SLC4A4: variants seen among roughly 807,000 people sequenced by gnomAD.
The protein encoded by SLC4A4 is solute carrier family 4 member 4.
SLC4A4 carries 27 observed loss-of-function variants against 111.5 expected under a neutral mutation model. The ratio of observed to expected loss-of-function variants is 0.24; its 90% CI spans 0.18 to 0.33. The LOEUF (loss-of-function observed/expected upper bound fraction) is 0.33, where lower values mean the gene tolerates loss of function less well. SLC4A4 is among the 10% of genes least tolerant of loss of function. The pLI is 1.00. For synonymous variants in SLC4A4, 443 were observed against 463.4 expected, an observed-to-expected ratio of 0.96 and a Z score of 0.57; for missense variants, 909 against 1,315.5, an observed-to-expected ratio of 0.69 and a Z score of 4.78.
chr4:71,288,420 A>G (rs1026209559), intron 3 of SLC4A4, among the ~76,000 whole-genome samples: 6 of 143,302 alleles, frequency 4.2e-5, no homozygotes, highest in South Asian at 2.2e-4. Context: ...TTTTTTTTTT[A>G]CAGAGTTTCA....
rs573818993 is a variant in SLC4A4 at position 71,431,159 on chromosome 4, A to G, written c.808-9457A>G. Among the ~76,000 whole-genome samples the G allele has an allele frequency of 4.6e-5, 7 of 152,292 alleles. No individual in the cohort carries two copies. The South Asian group carries it at 1.4e-3, about 32-fold the overall frequency. On this transcript the variant is annotated intron_variant, in intron 7 of 25. Coordinates refer to ENST00000264485, the MANE Select transcript of SLC4A4 (RefSeq NM_001098484.3). ...ATATTCCTTCTTCCAGGGAGCTTAC[A>G]TTGCAGTGTAATAAAAAGGCAACAT...
At chr4:71,384,534 A>G (rs1718471313) in intron 6 of SLC4A4, among the ~76,000 whole-genome samples, 1 of 151,794 alleles carries the variant, frequency 6.6e-6, no homozygotes, top group African/African-American at 2.4e-5. Context: ...TGTGAGCTGT[A>G]AATCTAGAGC....
chr4:71,473,055 G>A lies in SLC4A4; in HGVS notation c.1903+85G>A, dbSNP rs548144688. 280 of 1,411,464 alleles carry A rather than the reference G, an allele frequency of 2.0e-4. 2 individuals carry two copies. The African/African-American group carries it at 3.6e-3, about 18-fold the overall frequency. The allele number at this position is 1,411,464 out of a possible 1,614,324, so 87.4% of individuals were successfully genotyped here. A position where few individuals can be genotyped will look rare whatever the true frequency, so the allele number is the denominator to read the frequency against. ...CATGCTTGCAAATTTTCAACATGCT[G>A]TCATGGTCCTCAGGAATTAGTCTTG... On this transcript the variant is annotated intron_variant, in intron 14 of 25. Coordinates refer to ENST00000264485, the MANE Select transcript of SLC4A4 (RefSeq NM_001098484.3).
At chr4:71,324,257 TTA>T (rs1424619579) in intron 3 of SLC4A4, among the ~76,000 whole-genome samples, 2 of 151,970 alleles carry the variant, frequency 1.3e-5, no homozygotes. Flanking sequence ...GTCAAAATGT[TTA>T]GTTTCATCAT....
At chr4:71,291,446 AT>A (rs925663152) in intron 3 of SLC4A4, among the ~76,000 whole-genome samples, 63 of 148,098 alleles carry the variant, frequency 4.3e-4, no homozygotes, top group East Asian at 9.8e-4. Context: ...TTCATGCATG[AT>A]TTTTTTTTTT....
At chr4:71,168,737 C>T (rs1026097139) in intron 2 of SLC4A4, among the ~76,000 whole-genome samples, 1 of 152,122 alleles carries the variant, frequency 6.6e-6, no homozygotes. Flanking sequence ...GCTCATTTCA[C>T]TTCACATAAT....
At chr4:71,370,516 T>C (rs1731768309) in intron 6 of SLC4A4, among the ~76,000 whole-genome samples, 1 of 152,220 alleles carries the variant, frequency 6.6e-6, no homozygotes, top group Non-Finnish European at 1.5e-5. Flanking sequence ...GTCTGAATCC[T>C]GGATCTACCA....
chr4:71,201,896 G>A (rs1666791356), intron 1 of SLC4A4, among the ~76,000 whole-genome samples: 1 of 152,162 alleles, frequency 6.6e-6, no homozygotes, highest in South Asian at 2.1e-4. Context: ...GAAGGATTTG[G>A]ACATATGGTG....
intron 2 of SLC4A4, among the ~76,000 whole-genome samples, chr4:71,113,708 G>A (rs1373300163): frequency 2.6e-5 from 4 of 152,162 alleles, no homozygotes; most frequent in Non-Finnish European, 5.9e-5. Context: ...ACCGGGTTAG[G>A]GGTCTAGTGG....
intron 6 of SLC4A4, among the ~76,000 whole-genome samples, chr4:71,357,974 A>T (rs138947270): frequency 1.0e-3 from 154 of 152,270 alleles, no homozygotes; most frequent in African/African-American, 3.6e-3. Flanking sequence ...GCATTGGCTG[A>T]TAGGATTAGG....
chr4:71,473,641 A>G (rs529481130), intron 14 of SLC4A4, among the ~76,000 whole-genome samples: 35 of 151,940 alleles, frequency 2.3e-4, no homozygotes, highest in Middle Eastern at 3.4e-3. Flanking sequence ...GTGATTCTCT[A>G]TATCTTAGCC....
intron 13 of SLC4A4, among the ~76,000 whole-genome samples, chr4:71,472,046 A>G (rs992521129): frequency 2.0e-5 from 3 of 151,906 alleles, no homozygotes; most frequent in Non-Finnish European, 4.4e-5. Flanking sequence ...CACAGTGAGC[A>G]TTACAGGCCA....
intron 7 of SLC4A4, among the ~76,000 whole-genome samples, chr4:71,418,986 A>G (rs1722086409): frequency 6.6e-6 from 1 of 152,178 alleles, no homozygotes; most frequent in Non-Finnish European, 1.5e-5. Flanking sequence ...GGGTATCCGC[A>G]GCGGTGTTTG....
In SLC4A4 at chr4:71,377,097, A is replaced by T. The variant is rs570333470; in HGVS notation, c.730+19910A>T. Among the ~76,000 whole-genome samples, 10 of 152,348 alleles carry T rather than the reference A, an allele frequency of 6.6e-5. No homozygotes were observed. In the South Asian group the frequency reaches 1.2e-3, roughly 19 times the overall value. ...AAAGTGAATTAATGAATAAATATTT[A>T]AAAATTTTTAGTTTTAATTCCTAAT... On this transcript the variant is annotated intron_variant, in intron 6 of 25. Coordinates refer to ENST00000264485, the MANE Select transcript of SLC4A4 (RefSeq NM_001098484.3).
At chr4:71,419,014 A>G (rs557523444) in intron 7 of SLC4A4, among the ~76,000 whole-genome samples, 1 of 152,276 alleles carries the variant, frequency 6.6e-6, no homozygotes, top group South Asian at 2.1e-4. Flanking sequence ...GCAGTTTTTC[A>G]TGAACCGCGA....
intron 1 of SLC4A4, among the ~76,000 whole-genome samples, chr4:71,207,917 A>G (rs1048302550): frequency 6.6e-6 from 1 of 152,146 alleles, no homozygotes; most frequent in African/African-American, 2.4e-5. Context: ...GGCTCACGTG[A>G]TCCTCCCACC....
intron 2 of SLC4A4, among the ~76,000 whole-genome samples, chr4:71,145,764 G>A (rs557672036): frequency 6.6e-6 from 1 of 152,246 alleles, no homozygotes; most frequent in South Asian, 2.1e-4. Context: ...TCTGATGGTA[G>A]TTTGTATTTC....
intron 14 of SLC4A4, among the ~76,000 whole-genome samples, chr4:71,481,994 T>C (rs1044753147): frequency 6.6e-6 from 1 of 151,648 alleles, no homozygotes; most frequent in Admixed American, 6.6e-5. Context: ...TAGAGTGTTT[T>C]GGCTTTTCCA....
chr4:71,085,505 C>T (rs1560710702), intron 1 of SLC4A4, among the ~76,000 whole-genome samples: 1 of 151,916 alleles, frequency 6.6e-6, no homozygotes, highest in Non-Finnish European at 1.5e-5. Flanking sequence ...AATGGTATTG[C>T]CTAGGTTTTC....
Sources: allele counts gnomAD v4.1 joint callset (sites outside exome capture counted in the v4.1 genomes callset), GRCh38; gene constraint gnomAD v4.1.1; transcripts MANE v1.5; gene names NCBI Gene and HGNC (gene_info 2026-07-23, HGNC 2026-07-21).